The following TBL1X variants were observed in gnomAD, a reference collection of about 807,000 sequenced individuals.
TBL1X encodes transducin beta like 1 X-linked.
Under a neutral mutation model 50.7 loss-of-function variants are expected in TBL1X, and 10 were observed. The ratio of observed to expected loss-of-function variants is 0.20; its 90% CI spans 0.12 to 0.33. The LOEUF is 0.33. TBL1X is among the 10% of genes least tolerant of loss of function. The pLI is 1.00. For synonymous variants in TBL1X, 190 were observed against 214.7 expected (o/e 0.88, Z 1.01); for missense variants, 340 against 504.4 (o/e 0.67, Z 3.12).
chrX:9,543,202 C>T (rs762109729), intron 2 of TBL1X, among the ~76,000 whole-genome samples: 6 of 111,719 alleles, frequency 5.4e-5, no homozygotes, highest in Non-Finnish European at 9.4e-5. Context: ...GCCTGCCGAT[C>T]ACCCTCAGTG....
chrX:9,646,774 T>G (rs1569085738), intron 3 of TBL1X, among the ~76,000 whole-genome samples: 1 of 112,246 alleles, frequency 8.9e-6, no homozygotes, highest in Non-Finnish European at 1.9e-5. Context: ...TAGAAGATCT[T>G]TAAGATGTTT....
At chrX:9,617,924 A>T (rs1213102556) in intron 2 of TBL1X, among the ~76,000 whole-genome samples, 1 of 111,239 alleles carries the variant, frequency 9.0e-6, no homozygotes. Context: ...GAGCTGGAAG[A>T]TGGTTGTGGT....
At chrX:9,698,435 C>T (rs1187406939) in intron 12 of TBL1X, among the ~76,000 whole-genome samples, 1 of 111,765 alleles carries the variant, frequency 8.9e-6, no homozygotes, top group East Asian at 2.8e-4. Context: ...GTGCACACGG[C>T]CAAATCCAGA....
intron 2 of TBL1X, among the ~76,000 whole-genome samples, chrX:9,537,299 C>T (rs1029729620): frequency 1.5e-4 from 17 of 110,132 alleles, no homozygotes; most frequent in South Asian, 3.9e-4. Context: ...TACTGCCCCC[C>T]GCCCCCCAAT....
intron 5 of TBL1X, among the ~76,000 whole-genome samples, chrX:9,668,411 C>CT (rs1268219587): frequency 9.1e-6 from 1 of 110,328 alleles, no homozygotes; most frequent in East Asian, 2.8e-4. Flanking sequence ...TCGTGGAGAG[C>CT]TGATGTGTTA....
At chrX:9,628,010 T>A (rs1299480531) in intron 2 of TBL1X, among the ~76,000 whole-genome samples, 1 of 112,562 alleles carries the variant, frequency 8.9e-6, no homozygotes, top group Non-Finnish European at 1.9e-5. Flanking sequence ...TTCAAGAATG[T>A]TAGGAATGAA....
chrX:9,484,916 TA>T (rs760004328), intron 1 of TBL1X, among the ~76,000 whole-genome samples: 1,361 of 41,301 alleles, frequency 0.033, 15 homozygotes, highest in Non-Finnish European at 0.046. Context: ...ACCCTGGCAC[TA>T]AAAAAAAAAA....
At chrX:9,659,580 C>G (rs183960098) in intron 5 of TBL1X, among the ~76,000 whole-genome samples, 1 of 112,451 alleles carries the variant, frequency 8.9e-6, no homozygotes, top group Non-Finnish European at 1.9e-5. Flanking sequence ...GATTTTCATA[C>G]AGGTCATTTG....
intron 2 of TBL1X, among the ~76,000 whole-genome samples, chrX:9,538,075 A>G (rs762872235): frequency 1.8e-5 from 2 of 112,307 alleles, no homozygotes; most frequent in African/African-American, 3.2e-5. Context: ...AACTGCACCA[A>G]TGTGCATCTG....
intron 5 of TBL1X, among the ~76,000 whole-genome samples, chrX:9,676,092 G>A (rs1358105799): frequency 8.9e-6 from 1 of 111,910 alleles, no homozygotes; most frequent in South Asian, 3.7e-4. Flanking sequence ...GGTGCTATCC[G>A]TCGTAAATCT....
At chrX:9,564,399 A>G (rs2082338307) in intron 2 of TBL1X, among the ~76,000 whole-genome samples, 1 of 106,114 alleles carries the variant, frequency 9.4e-6, no homozygotes, top group Admixed American at 1.0e-4. Context: ...AGGTGTTTTC[A>G]GGGCAGTGGC....
intron 5 of TBL1X, among the ~76,000 whole-genome samples, chrX:9,665,496 T>A (rs1466959476): frequency 5.6e-5 from 1 of 17,851 alleles, no homozygotes; most frequent in African/African-American, 2.6e-4. Flanking sequence ...AAGCTATATA[T>A]ATATATATAT....
At position 9,569,342 on chromosome X, in the gene TBL1X, AGTGTGCTGTGTGTGTGTGTGTG is replaced by A. The variant is rs1437825987; in HGVS notation, c.-131+67508_-131+67529del. Among the ~76,000 whole-genome samples the A allele has an allele frequency of 3.6e-5, 3 of 84,047 alleles. No homozygotes were observed. The East Asian group carries it at 1.2e-3, about 33-fold the overall frequency. The allele number at this position is 84,047 out of a possible 115,157, so 73.0% of individuals were successfully genotyped here. A position where few individuals can be genotyped will look rare whatever the true frequency, so the allele number is the denominator to read the frequency against. The stretch of plus-strand genomic sequence containing the variant: ...CTGTGTGTGTTGTGTCTATCTGTGC[AGTGTGCTGTGTGTGTGTGTGTG>A]GTGTGCTGTGTGTGCACGTGTGTGG... On this transcript the variant is annotated intron_variant, in intron 2 of 17. Coordinates refer to ENST00000645353, the MANE Select transcript of TBL1X (RefSeq NM_005647.4).
chrX:9,708,708 A>C (rs1375398025), intron 13 of TBL1X, among the ~76,000 whole-genome samples: 3 of 71,680 alleles, frequency 4.2e-5, no homozygotes, highest in African/African-American at 1.8e-4. Flanking sequence ...AATCCCAAAA[A>C]AAAAAAAAAA....
At chrX:9,572,591 G>T (rs780163410) in intron 2 of TBL1X, among the ~76,000 whole-genome samples, 11 of 112,855 alleles carry the variant, frequency 9.7e-5, no homozygotes, top group Non-Finnish European at 1.9e-4. Context: ...ATGTGAGTTT[G>T]TTCTAGCATG....
intron 16 of TBL1X, 102 bp from the exon 17 acceptor site, chrX:9,714,800 A>G (rs1475802911): frequency 1.2e-6 from 1 of 811,132 alleles, no homozygotes; most frequent in Non-Finnish European, 1.8e-6. Context: ...ATGCTTGAAA[A>G]TGTTCATGAC....
chrX:9,471,224 C>T (rs967360688), intron 1 of TBL1X, among the ~76,000 whole-genome samples: 1 of 112,604 alleles, frequency 8.9e-6, no homozygotes, highest in Non-Finnish European at 1.9e-5. Flanking sequence ...CCATATGTCG[C>T]TTTCTGTGAT....
intron 2 of TBL1X, among the ~76,000 whole-genome samples, chrX:9,549,506 G>A (rs191725415): frequency 2.7e-5 from 3 of 112,117 alleles, no homozygotes; most frequent in African/African-American, 9.7e-5. Context: ...TAATATACTT[G>A]ATTTTGCCTT....
chrX:9,581,940 G>A (rs142729545), intron 2 of TBL1X, among the ~76,000 whole-genome samples: 1,854 of 112,138 alleles, frequency 0.017, 37 homozygotes, highest in African/African-American at 0.058. Flanking sequence ...TGCTGACTCA[G>A]GCTGCCCCTT....
Sources: allele counts gnomAD v4.1 joint callset (sites outside exome capture counted in the v4.1 genomes callset), GRCh38; gene constraint gnomAD v4.1.1; transcripts MANE v1.5; gene names NCBI Gene and HGNC (gene_info 2026-07-23, HGNC 2026-07-21).